Variants in B4GALT6 observed in about 807,000 individuals in gnomAD.
B4GALT6 encodes UDP-Gal:beta-GlcNAc beta-1,4-galactosyltransferase 6.
In B4GALT6, 14 loss-of-function variants were observed where a neutral mutation model predicts 46.3. That is an observed-to-expected ratio of 0.30 (90% CI 0.20 to 0.47). The LOEUF (loss-of-function observed/expected upper bound fraction) is 0.47. Ranked by LOEUF, B4GALT6 falls within the 20% of genes least tolerant of loss-of-function variation. The probability of loss-of-function intolerance (pLI) is 0.99; values close to 1 mark genes in which losing one functional copy is unlikely to be tolerated. For synonymous variants in B4GALT6, 168 were observed against 162.0 expected, an observed-to-expected ratio of 1.04 and a Z score of -0.28; for missense variants, 386 against 480.1, an observed-to-expected ratio of 0.80 and a Z score of 1.83.
chr18:31,676,525 C>G (rs16962318), intron 1 of B4GALT6, among the ~76,000 whole-genome samples: 16,732 of 152,120 alleles, frequency 0.11, 1,460 homozygotes, highest in African/African-American at 0.24. Flanking sequence ...TCACTGCAGA[C>G]TCATAAAGGA....
rs539168456 is a variant in B4GALT6, at chr18:31,630,892, C to T, written c.776+67G>A. On this transcript the variant is annotated intron_variant, in intron 6 of 8. Transcript: ENST00000306851. ...TCTCAGATTTAGGGACATAACGCTG[C>T]TACCATTTCAATGCTATGACTGTGC... The T allele has an allele frequency of 1.3e-5, 20 of 1,532,616 alleles. No homozygotes were observed. In the African/African-American group the frequency reaches 2.3e-4, roughly 18 times the overall value. The allele number at this position is 1,532,616 out of a possible 1,614,324, so 94.9% of individuals were successfully genotyped here. A position where few individuals can be genotyped will look rare whatever the true frequency, so the allele number is the denominator to read the frequency against.
intron 5 of B4GALT6, among the ~76,000 whole-genome samples, chr18:31,636,620 G>A (rs1016177205): frequency 6.6e-6 from 1 of 152,122 alleles, no homozygotes; most frequent in Admixed American, 6.5e-5. Context: ...AAAGCAATTG[G>A]AAAGGTCAGT....
At chr18:31,699,739 A>G in the B4GALT6 span, among the ~76,000 whole-genome samples, 2 of 152,126 alleles carry the variant, frequency 1.3e-5, no homozygotes, top group Non-Finnish European at 2.9e-5. Flanking sequence ...CATTGAATCA[A>G]TAGAAATTTA....
chr18:31,710,755 C>T, the B4GALT6 span, among the ~76,000 whole-genome samples: 10 of 150,778 alleles, frequency 6.6e-5, no homozygotes, highest in East Asian at 3.9e-4. Context: ...GAAAAACTAA[C>T]GCACCTTTTT....
chr18:31,707,231 C>CTTT, the B4GALT6 span, among the ~76,000 whole-genome samples: 12 of 140,022 alleles, frequency 8.6e-5, no homozygotes, highest in Admixed American at 2.1e-4. Flanking sequence ...TCTTTTCTTT[C>CTTT]TTTTTTTTTT....
At chr18:31,710,967 T>G in the B4GALT6 span, among the ~76,000 whole-genome samples, 664 of 152,242 alleles carry the variant, frequency 4.4e-3, 26 homozygotes, top group Admixed American at 0.039. Flanking sequence ...TACTTCCTCA[T>G]GTTTGGGGCT....
the B4GALT6 span, chr18:31,724,433 G>A: frequency 9.6e-7 from 1 of 1,041,010 alleles, no homozygotes; most frequent in Admixed American, 4.9e-5. Context: ...GATCTCCCAC[G>A]CGAATCGCCG....
intron 4 of B4GALT6, among the ~76,000 whole-genome samples, chr18:31,643,427 T>A (rs1448996909): frequency 6.6e-6 from 1 of 151,854 alleles, no homozygotes; most frequent in Non-Finnish European, 1.5e-5. Flanking sequence ...GCCTCCGGAG[T>A]AGCTGGGATT....
intron 3 of B4GALT6, among the ~76,000 whole-genome samples, chr18:31,653,744 C>T (rs1474233734): frequency 6.6e-6 from 1 of 152,056 alleles, no homozygotes; most frequent in Non-Finnish European, 1.5e-5. Flanking sequence ...CCACGCCCGG[C>T]CTCATAATCT....
chr18:31,685,456 T>G (rs1014129002), upstream of B4GALT6, among the ~76,000 whole-genome samples: 2 of 150,876 alleles, frequency 1.3e-5, no homozygotes, highest in Non-Finnish European at 3.0e-5. Flanking sequence ...CTTCGCGCGC[T>G]CGCTCGGAAC....
upstream of B4GALT6, among the ~76,000 whole-genome samples, chr18:31,687,334 C>T (rs921712016): frequency 1.3e-5 from 2 of 152,194 alleles, no homozygotes; most frequent in South Asian, 4.1e-4. Context: ...CACTCTCTGT[C>T]CACAGTAACA....
chr18:31,718,747 C>A, the B4GALT6 span: 1 of 152,320 alleles, frequency 6.6e-6, no homozygotes, highest in East Asian at 1.9e-4. Flanking sequence ...CTGGAATGAC[C>A]AACTCCATCA....
intron 2 of B4GALT6, among the ~76,000 whole-genome samples, chr18:31,665,989 T>C (rs1164997734): frequency 1.3e-5 from 2 of 152,210 alleles, no homozygotes; most frequent in Non-Finnish European, 2.9e-5. Context: ...ACATACGAAT[T>C]GAAAAAGTAG....
rs191273267 is a variant in B4GALT6, at chr18:31,653,179, G to A, written c.346+4797C>T. On this transcript the variant is annotated intron_variant, in intron 3 of 8. Transcript: ENST00000306851. ...GCCTAGGAATGATGGAACCCACAAG[G>A]CCCTCAGATTCCTCAGTCCTTTACA... 4.2e-3 allele frequency among the ~76,000 whole-genome samples: 640 copies of A among 151,878 alleles called. 7 individuals carry two copies. Among genetic ancestry groups the A allele is most frequent in the African/African-American group, 0.014 (599 of 41,430 alleles).
chr18:31,713,307 A>C, the B4GALT6 span, among the ~76,000 whole-genome samples: 3 of 152,254 alleles, frequency 2.0e-5, no homozygotes, highest in Admixed American at 6.5e-5. Flanking sequence ...AGCCAGGATC[A>C]TGCTGCTGCA....
intron 5 of B4GALT6, among the ~76,000 whole-genome samples, chr18:31,636,795 TA>T (rs1446776784): frequency 6.6e-6 from 1 of 152,206 alleles, no homozygotes; most frequent in Non-Finnish European, 1.5e-5. Flanking sequence ...TGTAGAAAAT[TA>T]AATTCTTTTT....
At chr18:31,670,773 T>C (rs2074343423) in intron 1 of B4GALT6, among the ~76,000 whole-genome samples, 1 of 152,202 alleles carries the variant, frequency 6.6e-6, no homozygotes, top group South Asian at 2.1e-4. Flanking sequence ...TTTATTATTA[T>C]ACTTTAAGTT....
intron 4 of B4GALT6, among the ~76,000 whole-genome samples, chr18:31,644,030 C>T (rs1357095330): frequency 6.6e-6 from 1 of 152,164 alleles, no homozygotes; most frequent in Non-Finnish European, 1.5e-5. Context: ...AATTGGGCCG[C>T]ATTTCATATA....
chr18:31,679,175 C>T (rs1162743446), intron 1 of B4GALT6, among the ~76,000 whole-genome samples: 1 of 152,172 alleles, frequency 6.6e-6, no homozygotes, highest in African/African-American at 2.4e-5. Context: ...GAAAAAAACA[C>T]ACCTCTGCCT....
Sources: allele counts gnomAD v4.1 joint callset (sites outside exome capture counted in the v4.1 genomes callset), GRCh38; gene constraint gnomAD v4.1.1; transcripts MANE v1.5; gene names NCBI Gene and HGNC (gene_info 2026-07-23, HGNC 2026-07-21).